Variants in MARK3 observed in about 807,000 individuals in gnomAD.
The protein encoded by MARK3 is MAP/microtubule affinity-regulating kinase 3.
In MARK3, 46 loss-of-function variants were observed where a neutral mutation model predicts 90.1. The observed-to-expected ratio is 0.51, with a 90% CI of 0.40 to 0.65. MARK3 has a LOEUF of 0.65. MARK3 is among the 30% of genes least tolerant of loss of function. The pLI, the probability that MARK3 is intolerant of heterozygous loss-of-function variation, is 0.00. For missense variants in MARK3, 818 were observed against 947.2 expected (o/e 0.86, Z 1.79); for synonymous variants, 321 against 332.6 (o/e 0.97, Z 0.38).
chr14:103,396,407 T>C (rs2090583476), intron 1 of MARK3, among the ~76,000 whole-genome samples: 1 of 152,208 alleles, frequency 6.6e-6, no homozygotes, highest in South Asian at 2.1e-4. Flanking sequence ...TTTATTTTCT[T>C]TGTCTTGTGG....
intron 3 of MARK3, among the ~76,000 whole-genome samples, chr14:103,439,544 G>C (rs930872318): frequency 6.6e-6 from 1 of 152,102 alleles, no homozygotes; most frequent in Non-Finnish European, 1.5e-5. Context: ...GAGTAGCAGG[G>C]ATTACAGGCG....
In MARK3 at chr14:103,466,188, C is replaced by T. The variant is rs147046625; in HGVS notation, c.897+97C>T. On this transcript the variant is annotated intron_variant, in intron 9 of 17. Coordinates refer to ENST00000429436, the MANE Select transcript of MARK3 (RefSeq NM_001128918.3). ...TGTATGCCATACTGGATATATCCTGCGGCTTTTTAAGCAAGAATTGAAACA... is the reference window on the plus strand; with the variant it reads ...TGTATGCCATACTGGATATATCCTGTGGCTTTTTAAGCAAGAATTGAAACA... 5.6e-4 allele frequency: 818 copies of T among 1,460,794 alleles called. 2 individuals carry two copies. The African/African-American group carries it at 9.8e-3, about 18-fold the overall frequency. The allele number at this position is 1,460,794 out of a possible 1,614,324, so 90.5% of individuals were successfully genotyped here.
intron 1 of MARK3, among the ~76,000 whole-genome samples, chr14:103,396,229 A>C (rs894188126): frequency 1.3e-5 from 2 of 152,156 alleles, no homozygotes; most frequent in African/African-American, 4.8e-5. Flanking sequence ...TACTTCACTC[A>C]CACTTCTAGA....
intron 13 of MARK3, among the ~76,000 whole-genome samples, chr14:103,478,688 C>T (rs1009903453): frequency 3.9e-5 from 6 of 151,990 alleles, no homozygotes; most frequent in South Asian, 2.1e-4. Context: ...TACAGGCGTG[C>T]GCCACCATGC....
chr14:103,502,833 G>A, intron 17 of MARK3, 49 bp from the exon 18 acceptor site: 2 of 1,486,134 alleles, frequency 1.3e-6, no homozygotes, highest in Non-Finnish European at 1.8e-6. Flanking sequence ...AGTGTAAGAG[G>A]TTGATTTTCC....
intron 3 of MARK3, among the ~76,000 whole-genome samples, chr14:103,432,821 A>C (rs2092620244): frequency 6.6e-6 from 1 of 152,200 alleles, no homozygotes. Context: ...GTGCCCCTGC[A>C]TTCCAGCCTG....
chr14:103,427,712 C>T (rs1013998198), intron 2 of MARK3, among the ~76,000 whole-genome samples: 4 of 152,038 alleles, frequency 2.6e-5, no homozygotes, highest in Admixed American at 2.0e-4. Context: ...CCAAGGTTGC[C>T]GTGGCATTTG....
chr14:103,473,411 A>C (rs2093663363), intron 12 of MARK3, among the ~76,000 whole-genome samples: 1 of 152,240 alleles, frequency 6.6e-6, no homozygotes, highest in African/African-American at 2.4e-5. Flanking sequence ...AGAATCTCAA[A>C]TCTTAAAAGG....
At chr14:103,427,966 G>A (rs1032620145) in intron 2 of MARK3, among the ~76,000 whole-genome samples, 1 of 152,198 alleles carries the variant, frequency 6.6e-6, no homozygotes, top group African/African-American at 2.4e-5. Flanking sequence ...ATGCAGCCCA[G>A]TAGGTCTCAG....
Position 103,398,699 on chromosome 14 carries a change from A to G in MARK3, c.52-6377A>G, listed in dbSNP as rs982570809. Reference sequence around the variant, plus strand: ...AGAGTTTTTAAATTATAAATTGTTCAATCTTATCAAATCCTTTTTCTATGT... The same window carrying G: ...AGAGTTTTTAAATTATAAATTGTTCGATCTTATCAAATCCTTTTTCTATGT... On this transcript the variant is annotated intron_variant, in intron 1 of 17. Transcript: ENST00000429436. 2.6e-5 allele frequency among the ~76,000 whole-genome samples: 4 copies of G among 152,188 alleles called. No homozygotes were observed. The East Asian group carries it at 5.8e-4, about 22-fold the overall frequency.
At position 103,463,147 on chromosome 14, in the gene MARK3, C is replaced by CT. The variant is rs34014267; in HGVS notation, c.540+699dup. ...TTTACACATGCTCAAGTCTATATAC[C>CT]TTTTTTTTTTTTTAACTAAAAAGCC... On this transcript the variant is annotated intron_variant, in intron 7 of 17. Coordinates refer to ENST00000429436, the MANE Select transcript of MARK3 (RefSeq NM_001128918.3). 4.1e-3 allele frequency among the ~76,000 whole-genome samples: 616 copies of CT among 149,428 alleles called. 6 individuals carry two copies. Among genetic ancestry groups the CT allele is most frequent in the African/African-American group, 0.015 (587 of 40,470 alleles).
At position 103,474,994 on chromosome 14, in the gene MARK3, T is replaced by C. The variant is rs753211502; in HGVS notation, c.1266T>C (p.Ala422=). The change falls in exon 13 of 18, where the codon GCT becomes GCC. Residue 422 remains alanine, a splice_region_variant and synonymous_variant. Coordinates refer to ENST00000429436, the MANE Select transcript of MARK3 (RefSeq NM_001128918.3). The part of the protein sequence containing the change: ...SQKQRRYSDH[A]GPAIPSVVAY... ...TAAAAAATGAACTCTTTATTTTAGC[T>C]GGACCAGCTATTCCTTCTGTTGTGG... 13 of 1,608,288 alleles carry C rather than the reference T, an allele frequency of 8.1e-6. No individual in the cohort carries two copies. Among genetic ancestry groups the C allele is most frequent in the South Asian group, 7.7e-5 (7 of 90,990 alleles).
intron 14 of MARK3, among the ~76,000 whole-genome samples, chr14:103,488,040 G>T (rs1008727960): frequency 2.0e-5 from 2 of 100,176 alleles, no homozygotes; most frequent in Admixed American, 1.0e-4. Flanking sequence ...GTGAGACTCC[G>T]TCTCAAAAAA....
Position 103,466,338 on chromosome 14 carries a change from T to C in MARK3, c.898-5T>C. 1 of 1,600,378 alleles carries C rather than the reference T, an allele frequency of 6.2e-7. No homozygotes were observed. Among genetic ancestry groups the C allele is most frequent in the South Asian group, 1.1e-5 (1 of 90,218 alleles). ...CTCTGCTAATGAACAGTTTACCTTT[T>C]TTAGCAAATCATGAAGGACAGGTGG... On this transcript the variant is annotated splice_region_variant and splice_polypyrimidine_tract_variant and intron_variant, in intron 9 of 17. Transcript: ENST00000429436.
At chr14:103,406,988 T>C (rs7157631) in intron 2 of MARK3, among the ~76,000 whole-genome samples, 96,129 of 151,450 alleles carry the variant, frequency 0.63, 30,939 homozygotes, top group East Asian at 0.85. Flanking sequence ...CATCCACCAC[T>C]GCACCCGGCT....
Position 103,430,398 on chromosome 14 carries a change from G to A in MARK3, c.297+1958G>A, listed in dbSNP as rs1019840721. 3.5e-5 allele frequency among the ~76,000 whole-genome samples: 3 copies of A among 86,718 alleles called. No homozygotes were observed. In the Admixed American group the frequency reaches 5.8e-4, roughly 17 times the overall value. 56.9% of individuals were successfully genotyped at this position (86,718 alleles called of 152,430 possible). The stretch of plus-strand genomic sequence containing the variant: ...ATCTTCCCCCACCCCCAGCAATTTT[G>A]CAACAATGTAGAATGTACCAGGCAA... On this transcript the variant is annotated intron_variant, in intron 3 of 17. Coordinates refer to ENST00000429436, the MANE Select transcript of MARK3 (RefSeq NM_001128918.3).
At position 103,419,629 on chromosome 14, in the gene MARK3, G is replaced by A. The variant is rs187357523; in HGVS notation, c.244-8758G>A. On this transcript the variant is annotated intron_variant, in intron 2 of 17. Coordinates refer to ENST00000429436, the MANE Select transcript of MARK3 (RefSeq NM_001128918.3). Reference sequence around the variant, plus strand: ...TTTTGGTTGAAGTGTATAAAGAAATGTAGCTACAAAAGGAAGGGAGCATAT... The same window carrying A: ...TTTTGGTTGAAGTGTATAAAGAAATATAGCTACAAAAGGAAGGGAGCATAT... Among the ~76,000 whole-genome samples, 42 of 152,214 alleles carry A rather than the reference G, an allele frequency of 2.8e-4. No homozygotes were observed. In the Middle Eastern group the frequency reaches 0.01, roughly 37 times the overall value.
intron 2 of MARK3, among the ~76,000 whole-genome samples, chr14:103,423,588 G>A (rs1436218678): frequency 1.3e-5 from 2 of 152,146 alleles, no homozygotes; most frequent in Admixed American, 1.3e-4. Flanking sequence ...TGCAATCGGG[G>A]ATACCCCAGT....
At chr14:103,458,152 T>G (rs1021707114) in intron 6 of MARK3, among the ~76,000 whole-genome samples, 1 of 152,166 alleles carries the variant, frequency 6.6e-6, no homozygotes, top group African/African-American at 2.4e-5. Context: ...TTAACTCTCT[T>G]GTTGTAGCTT....
Sources: allele counts gnomAD v4.1 joint callset (sites outside exome capture counted in the v4.1 genomes callset), GRCh38; gene constraint gnomAD v4.1.1; transcripts MANE v1.5; gene names NCBI Gene and HGNC (gene_info 2026-07-23, HGNC 2026-07-21).